RNF17: variants seen among roughly 807,000 people sequenced by gnomAD.
The protein encoded by RNF17 is ring finger protein 17.
In RNF17, 31 loss-of-function variants were observed where a neutral mutation model predicts 200.5. The ratio of observed to expected loss-of-function variants is 0.15; its 90% CI spans 0.12 to 0.21. The LOEUF (loss-of-function observed/expected upper bound fraction) is 0.21, where lower values mean the gene tolerates loss of function less well. Among genes scored for constraint, RNF17 ranks in the 10% least tolerant of loss-of-function variants. The pLI is 1.00. For missense variants in RNF17, 1,628 were observed against 1,905.1 expected (o/e 0.85, Z 2.71); for synonymous variants, 606 against 637.8 (o/e 0.95, Z 0.75).
At chr13:24,851,745 A>G (rs1248622613) in intron 24 of RNF17, among the ~76,000 whole-genome samples, 174 bp downstream of exon 24, 2 of 152,164 alleles carry the variant, frequency 1.3e-5, no homozygotes, top group Non-Finnish European at 2.9e-5. Context: ...TGCTCATTTC[A>G]TTTTTCAGGC....
chr13:24,877,704 A>G (rs1307249422), intron 34 of RNF17, among the ~76,000 whole-genome samples: 1 of 152,220 alleles, frequency 6.6e-6, no homozygotes, highest in Admixed American at 6.5e-5. Context: ...AGAGTGGGAA[A>G]GAAAGAATGG....
chr13:24,805,891 C>CT (rs200233519), intron 15 of RNF17, among the ~76,000 whole-genome samples: 2 of 151,590 alleles, frequency 1.3e-5, no homozygotes, highest in Admixed American at 6.6e-5. Flanking sequence ...AAATAACATT[C>CT]TTTTTTTTAT....
chr13:24,826,182 G>C, intron 16 of RNF17: 3 of 696,722 alleles, frequency 4.3e-6, no homozygotes, highest in Non-Finnish European at 5.3e-6. Context: ...ATTATTGACT[G>C]AACTGCTAGT....
chr13:24,752,785 G>A, the RNF17 span, among the ~76,000 whole-genome samples: 1 of 152,190 alleles, frequency 6.6e-6, no homozygotes, highest in Admixed American at 6.5e-5. Context: ...GTCCAGGGGT[G>A]GGGGAGCCCT....
intron 15 of RNF17, among the ~76,000 whole-genome samples, chr13:24,823,095 A>C (rs1429595867): frequency 1.3e-5 from 2 of 152,062 alleles, no homozygotes; most frequent in Non-Finnish European, 2.9e-5. Flanking sequence ...AGAAAAAAAA[A>C]CGGAGTCTGG....
intron 16 of RNF17, among the ~76,000 whole-genome samples, chr13:24,826,586 C>T (rs1017018490): frequency 1.3e-5 from 2 of 152,064 alleles, no homozygotes; most frequent in African/African-American, 4.8e-5. Context: ...CCAGCCTGGC[C>T]AACATGACAA....
intron 4 of RNF17, among the ~76,000 whole-genome samples, chr13:24,779,169 C>T (rs1882009159): frequency 6.6e-6 from 1 of 151,890 alleles, no homozygotes; most frequent in South Asian, 2.1e-4. Context: ...TGCACTCCAG[C>T]CTGTGCAACA....
chr13:24,830,354 A>G (rs535390974), intron 16 of RNF17, 130 bp from the exon 17 acceptor site: 6 of 562,120 alleles, frequency 1.1e-5, no homozygotes, highest in African/African-American at 9.6e-5. Context: ...TATTTTTTAC[A>G]TTTTAAAAAG....
chr13:24,792,453 G>T, intron 9 of RNF17, among the ~76,000 whole-genome samples: 1 of 152,174 alleles, frequency 6.6e-6, no homozygotes, highest in Non-Finnish European at 1.5e-5. Flanking sequence ...GAAGTTGAAG[G>T]AGAACAGAAG....
At chr13:24,886,638 C>CTGTT in the RNF17 span, among the ~76,000 whole-genome samples, 1 of 152,166 alleles carries the variant, frequency 6.6e-6, no homozygotes, top group Admixed American at 6.5e-5. Context: ...CAGGAGTGCT[C>CTGTT]TGTTTGGGAT....
chr13:24,848,168 TTTA>T (rs1423401478), intron 22 of RNF17, among the ~76,000 whole-genome samples: 1 of 152,196 alleles, frequency 6.6e-6, no homozygotes, highest in Non-Finnish European at 1.5e-5. Flanking sequence ...GGTTAAGTAT[TTTA>T]TTATCTGGAT....
intron 16 of RNF17, among the ~76,000 whole-genome samples, chr13:24,829,770 C>A (rs1889182786): frequency 6.6e-6 from 1 of 152,140 alleles, no homozygotes; most frequent in Admixed American, 6.5e-5. Context: ...TTAAAAACTT[C>A]TCTGTGTTTG....
chr13:24,837,341 G>C (rs1262167257), intron 18 of RNF17, among the ~76,000 whole-genome samples: 1 of 152,032 alleles, frequency 6.6e-6, no homozygotes, highest in Non-Finnish European at 1.5e-5. Context: ...AAAGAAACTG[G>C]ATTTAAACTA....
chr13:24,884,259 CA>C, downstream of RNF17: 2 of 1,614,124 alleles, frequency 1.2e-6, no homozygotes, highest in Non-Finnish European at 1.7e-6. Flanking sequence ...TAAAGACACA[CA>C]GTCAGTCTGC....
chr13:24,804,040 GC>G (rs758861389), intron 14 of RNF17: 2 of 387,334 alleles, frequency 5.2e-6, no homozygotes, highest in Non-Finnish European at 9.4e-6. Context: ...GGAGGCCAAG[GC>G]AGTAGGGTCG....
intron 14 of RNF17, 133 bp from the exon 15 acceptor site, chr13:24,804,155 G>A: frequency 2.7e-6 from 2 of 731,510 alleles, no homozygotes; most frequent in Admixed American, 2.8e-5. Flanking sequence ...CCAGCTACTT[G>A]GGAGGCTGAG....
intron 16 of RNF17, among the ~76,000 whole-genome samples, chr13:24,830,130 G>A (rs564386172): frequency 3.3e-5 from 5 of 152,246 alleles, no homozygotes; most frequent in Non-Finnish European, 7.4e-5. Context: ...ATATTAATTA[G>A]CTTGCTTTAG....
chr13:24,877,308 GAT>G lies in RNF17; in HGVS notation c.4773+126_4773+127del, dbSNP rs1894964972. ...TACTAAAGCATATACAGCTATATAG[GAT>G]ATAGTTTATATGTATAGCTTTATAT... On this transcript the variant is annotated intron_variant, in intron 34 of 35. Coordinates refer to ENST00000255324, the MANE Select transcript of RNF17 (RefSeq NM_031277.3). 3 of 709,900 alleles carry G rather than the reference GAT, an allele frequency of 4.2e-6. No individual in the cohort carries two copies. The South Asian group carries it at 5.8e-5, about 14-fold the overall frequency. The allele number at this position is 709,900 out of a possible 1,614,324, so 44.0% of individuals were successfully genotyped here.
At chr13:24,857,584 C>T (rs1352848767) in intron 25 of RNF17, among the ~76,000 whole-genome samples, 1 of 152,190 alleles carries the variant, frequency 6.6e-6, no homozygotes, top group Admixed American at 6.5e-5. Flanking sequence ...CTGTCACTTA[C>T]ACAAGTTTGG....
Sources: gnomAD v4.1 joint callset for allele counts (sites outside exome capture counted in the v4.1 genomes callset) on GRCh38, gnomAD v4.1.1 for gene constraint, MANE v1.5 for transcripts, NCBI Gene and HGNC (gene_info 2026-07-23, HGNC 2026-07-21) for gene names.